The following LRRC72 variants were observed in gnomAD, a reference collection of about 807,000 sequenced individuals.
LRRC72 encodes the protein leucine-rich repeat-containing protein 72.
Under a neutral mutation model 35.8 loss-of-function variants are expected in LRRC72, and 41 were observed. The ratio of observed to expected loss-of-function variants is 1.15; its 90% CI spans 0.89 to 1.49. The LOEUF (loss-of-function observed/expected upper bound fraction) is 1.49, where lower values mean the gene tolerates loss of function less well. Ranked by LOEUF, LRRC72 falls within the 40% of genes most tolerant of loss-of-function variation. The pLI is 0.00. For missense variants in LRRC72, 389 were observed against 330.7 expected (o/e 1.18, Z -1.37); for synonymous variants, 118 against 119.2 (o/e 0.99, Z 0.07).
intron 3 of LRRC72, among the ~76,000 whole-genome samples, chr7:16,555,273 T>C (rs1240154846): frequency 1.3e-5 from 2 of 152,184 alleles, no homozygotes; most frequent in East Asian, 3.9e-4. Context: ...TCATAATTTG[T>C]GAATGTTGCC....
intron 3 of LRRC72, among the ~76,000 whole-genome samples, chr7:16,556,141 A>G (rs1286206758): frequency 2.0e-5 from 3 of 152,144 alleles, no homozygotes; most frequent in Non-Finnish European, 4.4e-5. Flanking sequence ...AGCATTGAAT[A>G]CCCCATATTA....
intron 7 of LRRC72, among the ~76,000 whole-genome samples, chr7:16,571,804 T>A (rs760739727): frequency 2.6e-5 from 4 of 152,114 alleles, no homozygotes; most frequent in Non-Finnish European, 5.9e-5. Flanking sequence ...CAGGAGGTCT[T>A]TTTTCATACC....
At chr7:16,580,679 T>G (rs1783127385) in intron 8 of LRRC72, among the ~76,000 whole-genome samples, 1 of 152,168 alleles carries the variant, frequency 6.6e-6, no homozygotes, top group Non-Finnish European at 1.5e-5. Flanking sequence ...CCTTAACTAT[T>G]AGCTATTCTG....
At chr7:16,576,344 T>C (rs1783040404) in intron 7 of LRRC72, among the ~76,000 whole-genome samples, 1 of 152,164 alleles carries the variant, frequency 6.6e-6, no homozygotes, top group African/African-American at 2.4e-5. Flanking sequence ...ATTATAAGAG[T>C]AATTCTAAGA....
At chr7:16,555,508 C>G (rs903966661) in intron 3 of LRRC72, among the ~76,000 whole-genome samples, 3 of 152,184 alleles carry the variant, frequency 2.0e-5, no homozygotes, top group East Asian at 1.9e-4. Flanking sequence ...CATGGTGGCT[C>G]ACGCCTATAA....
At chr7:16,566,568 C>T (rs528647256) in intron 6 of LRRC72, among the ~76,000 whole-genome samples, 166 bp downstream of exon 6, 23 of 152,250 alleles carry the variant, frequency 1.5e-4, no homozygotes, top group African/African-American at 5.5e-4. Flanking sequence ...GAAAGACTTG[C>T]TCTCTAAAAT....
In LRRC72 at chr7:16,566,301, C is replaced by T. The variant is rs751475025; in HGVS notation, c.428-12C>T. On this transcript the variant is annotated splice_polypyrimidine_tract_variant and intron_variant, in intron 5 of 8. Coordinates refer to ENST00000401542, the MANE Select transcript of LRRC72 (RefSeq NM_001195280.2). The stretch of plus-strand genomic sequence containing the variant: ...AAATCTGACATTTTTATTTTGGATT[C>T]TTCATTTGCAGGTCTATACCAAAAT... 2.7e-6 allele frequency: 4 copies of T among 1,474,410 alleles called. No homozygotes were observed. The highest frequency in any genetic ancestry group is 1.4e-5 in the African/African-American group (1 of 70,198). The allele number at this position is 1,474,410 out of a possible 1,614,324, so 91.3% of individuals were successfully genotyped here.
chr7:16,541,419 T>C (rs1782354931), intron 3 of LRRC72, among the ~76,000 whole-genome samples: 1 of 152,232 alleles, frequency 6.6e-6, no homozygotes, highest in South Asian at 2.1e-4. Flanking sequence ...TTTTATTTCA[T>C]TCTTAGTCTT....
chr7:16,568,579 T>A (rs570785694), intron 7 of LRRC72, among the ~76,000 whole-genome samples: 14 of 152,192 alleles, frequency 9.2e-5, no homozygotes. Flanking sequence ...AAGGTAATGT[T>A]TAAAGTGATA....
chr7:16,576,734 G>A (rs1366808743), intron 7 of LRRC72, among the ~76,000 whole-genome samples: 7 of 152,166 alleles, frequency 4.6e-5, no homozygotes, highest in Admixed American at 3.3e-4. Flanking sequence ...ATACCAACAA[G>A]CTTTTAAAAT....
intron 3 of LRRC72, among the ~76,000 whole-genome samples, chr7:16,545,187 A>G (rs905164721): frequency 2.0e-5 from 3 of 152,226 alleles, no homozygotes; most frequent in Admixed American, 2.0e-4. Flanking sequence ...TAAAATAAAA[A>G]TAAAGAGTAA....
At chr7:16,560,685 G>GTT (rs201969915) in intron 5 of LRRC72, among the ~76,000 whole-genome samples, 14 of 141,112 alleles carry the variant, frequency 9.9e-5, no homozygotes, top group East Asian at 2.0e-4. Flanking sequence ...AGATAACTCT[G>GTT]TTTTTTTTTT....
At chr7:16,580,274 T>A (rs1318158185) in intron 8 of LRRC72, among the ~76,000 whole-genome samples, 173 bp downstream of exon 8, 1 of 152,214 alleles carries the variant, frequency 6.6e-6, no homozygotes, top group Non-Finnish European at 1.5e-5. Context: ...AGCTCTGTAT[T>A]AATATTTGAC....
intron 5 of LRRC72, among the ~76,000 whole-genome samples, chr7:16,560,094 T>C (rs915096719): frequency 2.0e-5 from 3 of 152,180 alleles, no homozygotes; most frequent in Admixed American, 6.5e-5. Context: ...CAATACAAGA[T>C]AAAGGATTCT....
rs1782749800 is a variant in LRRC72 at position 16,561,894 on chromosome 7, T to C, written c.427+2895T>C. Among the ~76,000 whole-genome samples the C allele has an allele frequency of 1.3e-5, 2 of 152,272 alleles. 1 individual carries two copies. Among genetic ancestry groups the C allele is most frequent in the South Asian group, 4.1e-4 (2 of 4,838 alleles). On this transcript the variant is annotated intron_variant, in intron 5 of 8. Coordinates refer to ENST00000401542, the MANE Select transcript of LRRC72 (RefSeq NM_001195280.2). ...AGCTGATAAACTAAAATGAGAACTC[T>C]ATGTATTTTCAAATGTAGTCATTTT...
intron 5 of LRRC72, among the ~76,000 whole-genome samples, chr7:16,565,865 G>A (rs1782829676): frequency 6.6e-6 from 1 of 152,150 alleles, no homozygotes; most frequent in Non-Finnish European, 1.5e-5. Context: ...ATTAGAGCCG[G>A]GTGTTGTGTC....
At chr7:16,538,287 T>C (rs1477268330) in intron 3 of LRRC72, among the ~76,000 whole-genome samples, 1 of 152,202 alleles carries the variant, frequency 6.6e-6, no homozygotes, top group Admixed American at 6.5e-5. Context: ...GGTGGTGTTG[T>C]AGTAGCAAAA....
chr7:16,527,408 G>A (rs1170930995), intron 1 of LRRC72, among the ~76,000 whole-genome samples: 3 of 152,038 alleles, frequency 2.0e-5, no homozygotes, highest in African/African-American at 7.2e-5. Context: ...TGCAGATTAA[G>A]TGAAACGGAG....
chr7:16,560,377 A>G (rs557003141), intron 5 of LRRC72, among the ~76,000 whole-genome samples: 42 of 152,304 alleles, frequency 2.8e-4, no homozygotes, highest in Non-Finnish European at 7.3e-5. Flanking sequence ...AAAATGATTC[A>G]TTTGTTATAG....
Sources: gnomAD v4.1 joint callset for allele counts (sites outside exome capture counted in the v4.1 genomes callset) on GRCh38, gnomAD v4.1.1 for gene constraint, MANE v1.5 for transcripts, NCBI Gene and HGNC (gene_info 2026-07-23, HGNC 2026-07-21) for gene names.